DNAH8: variants seen among roughly 807,000 people sequenced by gnomAD.
DNAH8 encodes axonemal beta dynein heavy chain 8.
A neutral mutation model predicts 562.1 loss-of-function variants in DNAH8; 382 were observed. The observed-to-expected ratio is 0.68, with a 90% confidence interval of 0.63 to 0.74. DNAH8 has a LOEUF of 0.74. DNAH8 is among the 30% of genes least tolerant of loss of function. The pLI is 0.00. For synonymous variants in DNAH8, 1,881 were observed against 1,919.4 expected, an observed-to-expected ratio of 0.98 and a Z score of 0.52; for missense variants, 5,203 against 5,620.4, an observed-to-expected ratio of 0.93 and a Z score of 2.37.
intron 88 of DNAH8, among the ~76,000 whole-genome samples, chr6:38,999,021 G>A (rs563114818): frequency 3.9e-4 from 60 of 152,274 alleles, no homozygotes; most frequent in Non-Finnish European, 7.8e-4. Context: ...TTCAGCCCTG[G>A]AATACCAGGG....
intron 88 of DNAH8, among the ~76,000 whole-genome samples, chr6:38,992,217 C>T (rs900271489): frequency 3.3e-5 from 5 of 152,194 alleles, no homozygotes; most frequent in Admixed American, 1.3e-4. Flanking sequence ...ATCCGCCCAC[C>T]TCGGCCTCCC....
At chr6:38,966,029 A>G (rs2150676973) in intron 82 of DNAH8, among the ~76,000 whole-genome samples, 1 of 152,320 alleles carries the variant, frequency 6.6e-6, no homozygotes, top group East Asian at 1.9e-4. Context: ...AAAAAGCCAG[A>G]TAATAGAAAA....
chr6:38,952,664 G>T (rs1761998786), intron 82 of DNAH8, among the ~76,000 whole-genome samples: 1 of 152,150 alleles, frequency 6.6e-6, no homozygotes, highest in Non-Finnish European at 1.5e-5. Flanking sequence ...AGCTACGGTA[G>T]CATGGTCCAT....
chr6:38,774,420 T>TC (rs1767869144), intron 12 of DNAH8, among the ~76,000 whole-genome samples: 1 of 151,640 alleles, frequency 6.6e-6, no homozygotes, highest in African/African-American at 2.4e-5. Context: ...TGAACATTGA[T>TC]AGAGAGATGT....
intron 61 of DNAH8, among the ~76,000 whole-genome samples, chr6:38,898,707 A>G (rs1379919907): frequency 6.6e-6 from 1 of 152,126 alleles, no homozygotes; most frequent in Non-Finnish European, 1.5e-5. Context: ...CCCTCAAATT[A>G]TATTTTGATA....
intron 8 of DNAH8, among the ~76,000 whole-genome samples, chr6:38,747,235 G>C (rs1029702388): frequency 6.6e-6 from 1 of 152,242 alleles, no homozygotes; most frequent in South Asian, 2.1e-4. Flanking sequence ...AGAACAGTGA[G>C]AGATTAAGTT....
chr6:38,904,941 A>C (rs1780344768), intron 62 of DNAH8, among the ~76,000 whole-genome samples: 1 of 152,198 alleles, frequency 6.6e-6, no homozygotes, highest in Non-Finnish European at 1.5e-5. Context: ...ATACTTTTGG[A>C]AAACTTGAAA....
chr6:38,883,117 A>G, intron 54 of DNAH8, 65 bp downstream of exon 54: 1 of 1,436,604 alleles, frequency 7.0e-7, no homozygotes, highest in Non-Finnish European at 9.3e-7. Context: ...ATATGCACCC[A>G]TATTTTCTTC....
At chr6:38,755,864 A>C (rs994624483) in intron 9 of DNAH8, 108 bp from the exon 10 acceptor site, 1 of 681,932 alleles carries the variant, frequency 1.5e-6, no homozygotes, top group African/African-American at 1.8e-5. Flanking sequence ...CTTTAAGCTA[A>C]AAATGCTATA....
chr6:38,937,054 G>A (rs1026257777), intron 77 of DNAH8, among the ~76,000 whole-genome samples: 3 of 152,120 alleles, frequency 2.0e-5, no homozygotes, highest in African/African-American at 7.2e-5. Flanking sequence ...GTCCTTTGCA[G>A]GGACATGGAT....
chr6:38,918,519 G>T (rs1185367299), intron 70 of DNAH8, among the ~76,000 whole-genome samples: 1 of 152,138 alleles, frequency 6.6e-6, no homozygotes, highest in Non-Finnish European at 1.5e-5. Context: ...ACCTAGAAAG[G>T]TTTTAAATTT....
At chr6:38,870,837 C>T (rs1015314737) in intron 49 of DNAH8, among the ~76,000 whole-genome samples, 16 of 152,142 alleles carry the variant, frequency 1.1e-4, no homozygotes, top group African/African-American at 3.4e-4. Flanking sequence ...TATAAAAACT[C>T]TAGGGGAACG....
intron 82 of DNAH8, among the ~76,000 whole-genome samples, chr6:38,962,806 G>C (rs1273416083): frequency 6.6e-6 from 1 of 152,146 alleles, no homozygotes; most frequent in African/African-American, 2.4e-5. Context: ...TTATAAAAAG[G>C]AATAAAATAA....
intron 18 of DNAH8, 47 bp downstream of exon 18, chr6:38,786,999 TA>T (rs763338007): frequency 2.2e-4 from 284 of 1,269,622 alleles, no homozygotes; most frequent in Middle Eastern, 5.3e-4. Context: ...AGTTTTTTGG[TA>T]AAAAAAATAT....
chr6:38,890,572 T>G, intron 57 of DNAH8, 80 bp from the exon 58 acceptor site: 2 of 1,026,010 alleles, frequency 1.9e-6, no homozygotes, highest in Non-Finnish European at 3.1e-6. Flanking sequence ...GTCAGCCTTG[T>G]AATGATTTGT....
intron 5 of DNAH8, among the ~76,000 whole-genome samples, chr6:38,735,568 T>G (rs1297297466): frequency 6.6e-6 from 1 of 152,236 alleles, no homozygotes; most frequent in African/African-American, 2.4e-5. Context: ...TATGTATGGA[T>G]GTTTCCTCAA....
chr6:39,027,711 A>C (rs1263501882), intron 92 of DNAH8, among the ~76,000 whole-genome samples: 2 of 152,096 alleles, frequency 1.3e-5, no homozygotes, highest in African/African-American at 4.8e-5. Context: ...GTAATGTCCC[A>C]GCTACTTGGG....
At chr6:38,916,416 A>T (rs765157770) in intron 68 of DNAH8, among the ~76,000 whole-genome samples, 4 of 152,098 alleles carry the variant, frequency 2.6e-5, no homozygotes, top group Admixed American at 2.6e-4. Context: ...TATCACTCAC[A>T]TGCTTCTGTC....
chr6:38,948,333 A>AT (rs1267951931), intron 80 of DNAH8, among the ~76,000 whole-genome samples: 3 of 151,534 alleles, frequency 2.0e-5, no homozygotes, highest in Admixed American at 1.3e-4. Flanking sequence ...TTTAATTTTA[A>AT]TTTTTTTATT....
Sources: allele counts gnomAD v4.1 joint callset (sites outside exome capture counted in the v4.1 genomes callset), GRCh38; gene constraint gnomAD v4.1.1; transcripts MANE v1.5; gene names NCBI Gene and HGNC (gene_info 2026-07-23, HGNC 2026-07-21).